DNMBP: variants seen among roughly 807,000 people sequenced by gnomAD.
DNMBP encodes the protein dynamin-binding protein.
In DNMBP, 87 loss-of-function variants were observed where a neutral mutation model predicts 150.0. The observed-to-expected ratio is 0.58, with a 90% confidence interval of 0.49 to 0.69. DNMBP has a LOEUF of 0.69. Ranked by LOEUF, DNMBP falls within the 30% of genes least tolerant of loss-of-function variation. The probability of loss-of-function intolerance (pLI) is 0.00; values close to 1 mark genes in which losing one functional copy is unlikely to be tolerated. For missense variants in DNMBP, 1,774 were observed against 1,949.0 expected (o/e 0.91, Z 1.69); for synonymous variants, 711 against 750.4 (o/e 0.95, Z 0.86).
At chr10:99,953,819 A>AAG (rs1554869026) in intron 4 of DNMBP, among the ~76,000 whole-genome samples, 3 of 133,532 alleles carry the variant, frequency 2.2e-5, no homozygotes, top group African/African-American at 5.9e-5. Context: ...GTCTCAAAAA[A>AAG]AAAAAGAAAA....
intron 16 of DNMBP, among the ~76,000 whole-genome samples, chr10:99,878,156 C>CAT (rs1307543294): frequency 2.0e-5 from 3 of 152,198 alleles, no homozygotes; most frequent in Non-Finnish European, 4.4e-5. Flanking sequence ...GGAAGACGAG[C>CAT]ATACTCTTCC....
At chr10:99,941,373 T>C (rs1267202635) in intron 4 of DNMBP, among the ~76,000 whole-genome samples, 1 of 152,196 alleles carries the variant, frequency 6.6e-6, no homozygotes, top group Non-Finnish European at 1.5e-5. Context: ...TCAAGAAGTA[T>C]TGATATGACC....
intron 11 of DNMBP, among the ~76,000 whole-genome samples, chr10:99,891,718 G>A (rs1219670180): frequency 4.1e-5 from 6 of 147,246 alleles, no homozygotes; most frequent in Non-Finnish European, 5.9e-5. Flanking sequence ...CATCCCACCT[G>A]GGAAGTGAGG....
chr10:99,956,696 T>G lies in DNMBP; in HGVS notation c.778A>C (p.Asn260His). Reference protein sequence around the residue: ...ALYRFQALEPNELDFEVGDKI... With the variant: ...ALYRFQALEPHELDFEVGDKI... Reference sequence around the variant, plus strand: ...TCCCCGACCTCGAAATCCAGCTCATTTGGCTCCAGGGCTTGGAATCTGTAC... The same window carrying G: ...TCCCCGACCTCGAAATCCAGCTCATGTGGCTCCAGGGCTTGGAATCTGTAC... Residue 260 changes from asparagine to histidine, a missense_variant, in exon 4 of 17, where the codon AAT (asparagine) becomes CAT (histidine). By Grantham distance (68) the Asn-to-His change is moderately conservative. Transcript: ENST00000324109. 1 of 1,613,676 alleles carries G rather than the reference T, an allele frequency of 6.2e-7. No homozygotes were observed.
chr10:99,933,178 C>T (rs1334838084), intron 4 of DNMBP, among the ~76,000 whole-genome samples: 1 of 151,738 alleles, frequency 6.6e-6, no homozygotes, highest in Non-Finnish European at 1.5e-5. Flanking sequence ...CACCTGTAGT[C>T]CCAGCTACTC....
In DNMBP at chr10:99,877,092, C is replaced by CG; in HGVS notation, c.*58_*59insC. On this transcript the variant is annotated 3_prime_UTR_variant, in exon 17 of 17. Coordinates refer to ENST00000324109, the MANE Select transcript of DNMBP (RefSeq NM_015221.4). ...AGCAGGCGCCCTCTCGGTGGGCCGC[C>CG]AGAACCCTCGGCGGACTGAAAGCAA... 2 of 1,383,404 alleles carry CG rather than the reference C, an allele frequency of 1.4e-6. No individual in the cohort carries two copies. The highest frequency in any genetic ancestry group is 1.7e-5 in the South Asian group (1 of 58,382). 85.7% of individuals were successfully genotyped at this position (1,383,404 alleles called of 1,614,324 possible).
In DNMBP at chr10:99,879,892, G is replaced by A. The variant is rs760320514; in HGVS notation, c.4467C>T (p.Leu1489=). The change falls in exon 16 of 17, where the codon CTC becomes CTT. Residue 1489 remains leucine (L), a synonymous_variant. Coordinates refer to ENST00000324109, the MANE Select transcript of DNMBP (RefSeq NM_015221.4). ...VPGRNGQSQD[L]VKGCARTAQA... ...GGGCTGTTCTTGCACATCCTTTGAC[G>A]AGGTCTTGACTTTGCCCATTTCGTC... is the stretch of plus-strand genomic sequence containing the variant. The A allele has an allele frequency of 6.8e-6, 11 of 1,614,172 alleles. No homozygotes were observed. The East Asian group carries it at 1.1e-4, about 16-fold the overall frequency.
At chr10:99,969,373 A>G (rs943702021) in intron 2 of DNMBP, 136 bp from the exon 3 acceptor site, 4 of 833,844 alleles carry the variant, frequency 4.8e-6, no homozygotes, top group Non-Finnish European at 7.4e-6. Context: ...ATAATTGGAG[A>G]ATCTGTTGGA....
chr10:99,974,073 G>A (rs2040704083), intron 1 of DNMBP, among the ~76,000 whole-genome samples: 1 of 152,258 alleles, frequency 6.6e-6, no homozygotes, highest in East Asian at 1.9e-4. Flanking sequence ...AGGATCAATT[G>A]CAGTCAGGAG....
At chr10:99,920,407 A>C (rs2040010781) in intron 4 of DNMBP, among the ~76,000 whole-genome samples, 1 of 151,826 alleles carries the variant, frequency 6.6e-6, no homozygotes, top group Non-Finnish European at 1.5e-5. Context: ...GTAAAATCTG[A>C]TTAAACCTAG....
At chr10:99,914,069 G>A (rs1589415222) in intron 4 of DNMBP, 9 of 1,436,106 alleles carry the variant, frequency 6.3e-6, no homozygotes, top group Non-Finnish European at 8.3e-6. Context: ...TTTGAATAGG[G>A]TCGGCATTTC....
intron 14 of DNMBP, 136 bp downstream of exon 14, chr10:99,885,551 G>T: frequency 1.2e-6 from 1 of 838,848 alleles, no homozygotes. Context: ...CCCATGATGG[G>T]TGAGAATGCA....
chr10:100,000,887 AC>A (rs1217794712), intron 1 of DNMBP, among the ~76,000 whole-genome samples: 45 of 144,630 alleles, frequency 3.1e-4, no homozygotes, highest in African/African-American at 1.1e-3. Flanking sequence ...AAAAAAAAAA[AC>A]CCAGCAGGGT....
chr10:99,989,214 G>A (rs1165922732), intron 1 of DNMBP, among the ~76,000 whole-genome samples: 3 of 152,194 alleles, frequency 2.0e-5, no homozygotes, highest in African/African-American at 7.2e-5. Context: ...TAATCATGCA[G>A]TGCCTCCCAC....
intron 4 of DNMBP, chr10:99,927,439 C>A (rs1431973705): frequency 6.6e-6 from 1 of 152,166 alleles, no homozygotes; most frequent in Non-Finnish European, 1.5e-5. Flanking sequence ...ATTATCTTCA[C>A]TTTACAAATT....
At chr10:99,942,770 C>G (rs2040314474) in intron 4 of DNMBP, among the ~76,000 whole-genome samples, 1 of 152,136 alleles carries the variant, frequency 6.6e-6, no homozygotes, top group Non-Finnish European at 1.5e-5. Flanking sequence ...AAACTAGTTT[C>G]TCTCCTGACT....
Position 99,885,854 on chromosome 10 carries a change from C to T in DNMBP, c.3631G>A (p.Ala1211Thr). The T allele has an allele frequency of 6.2e-7, 1 of 1,611,690 alleles. No homozygotes were observed. The change falls in exon 14 of 17, where the codon GCT becomes ACT. Residue 1211 changes from alanine to threonine, a missense_variant. By Grantham distance (58) the Ala-to-Thr change is moderately conservative. Transcript: ENST00000324109. ...GCAATAAGGTTTCCCTCTCTGCCAG[C>T]CACTTTGAGTAACTGGGGTCCATGG... ...LKPLLSLLKVAGREGNLIAIF... is the reference protein window; with the variant it reads ...LKPLLSLLKVTGREGNLIAIF...
chr10:99,969,111 T>A lies in DNMBP; in HGVS notation c.268+4A>T. The A allele has an allele frequency of 6.2e-7, 1 of 1,613,958 alleles. No homozygotes were observed. Among genetic ancestry groups the A allele is most frequent in the Non-Finnish European group, 8.5e-7 (1 of 1,179,928 alleles). ...AATAGTCTACTATTTGATGAGCAGC[T>A]TACCTCGATGGAGGGGAAGATTATC... On this transcript the variant is annotated splice_donor_region_variant and intron_variant, in intron 3 of 16. Coordinates refer to ENST00000324109, the MANE Select transcript of DNMBP (RefSeq NM_015221.4).
chr10:99,898,944 G>A (rs1175354948), intron 7 of DNMBP, among the ~76,000 whole-genome samples, 184 bp from the exon 8 acceptor site: 1 of 152,196 alleles, frequency 6.6e-6, no homozygotes, highest in African/African-American at 2.4e-5. Context: ...TGTAATCCCA[G>A]CACTTTGGGA....
Sources: gnomAD v4.1 joint callset for allele counts (sites outside exome capture counted in the v4.1 genomes callset) on GRCh38, gnomAD v4.1.1 for gene constraint, MANE v1.5 for transcripts, NCBI Gene and HGNC (gene_info 2026-07-23, HGNC 2026-07-21) for gene names.